The following CFAP299 variants were observed in gnomAD, a reference collection of about 807,000 sequenced individuals.
The protein encoded by CFAP299 is cilia- and flagella-associated protein 299.
A neutral mutation model predicts 27.0 loss-of-function variants in CFAP299; 21 were observed. The observed-to-expected ratio is 0.78, with a 90% CI of 0.55 to 1.12. The LOEUF is 1.12. Ranked by LOEUF, CFAP299 falls within the 50% of genes most tolerant of loss-of-function variation. The pLI, the probability that CFAP299 is intolerant of heterozygous loss-of-function variation, is 0.00. For missense variants in CFAP299, 310 were observed against 276.6 expected (o/e 1.12, Z -0.86); for synonymous variants, 104 against 98.1 (o/e 1.06, Z -0.36).
intron 2 of CFAP299, chr4:80,420,113 A>C: frequency 2.3e-6 from 1 of 443,022 alleles, no homozygotes; most frequent in African/African-American, 2.0e-5. Context: ...GGAGAAGAGC[A>C]GGCCTGTGTA....
At chr4:80,946,900 T>G (rs1218653119) in intron 5 of CFAP299, among the ~76,000 whole-genome samples, 1 of 152,172 alleles carries the variant, frequency 6.6e-6, no homozygotes, top group Non-Finnish European at 1.5e-5. Flanking sequence ...TAAGAAAAGA[T>G]TTTAAATTAT....
chr4:80,657,282 T>C (rs963023200), intron 3 of CFAP299, among the ~76,000 whole-genome samples: 1 of 152,180 alleles, frequency 6.6e-6, no homozygotes, highest in Non-Finnish European at 1.5e-5. Flanking sequence ...TTTTGGTGTT[T>C]TAGTCATGAA....
chr4:80,440,149 C>A (rs896910142), intron 2 of CFAP299, among the ~76,000 whole-genome samples: 1 of 152,160 alleles, frequency 6.6e-6, no homozygotes, highest in Non-Finnish European at 1.5e-5. Context: ...AACGTTCCTG[C>A]CTGCCAGCTC....
intron 2 of CFAP299, among the ~76,000 whole-genome samples, chr4:80,536,925 A>G (rs1357890803): frequency 6.6e-6 from 1 of 152,154 alleles, no homozygotes; most frequent in Non-Finnish European, 1.5e-5. Context: ...ACAGAATGGG[A>G]GAATGGGAGA....
intron 3 of CFAP299, among the ~76,000 whole-genome samples, chr4:80,744,320 C>A (rs994073831): frequency 1.3e-5 from 2 of 151,332 alleles, no homozygotes; most frequent in Non-Finnish European, 2.9e-5. Flanking sequence ...GATCAAGAGA[C>A]CTGCTGTGCT....
intron 2 of CFAP299, among the ~76,000 whole-genome samples, chr4:80,389,844 C>T (rs1725229130): frequency 6.6e-6 from 1 of 152,046 alleles, no homozygotes; most frequent in Admixed American, 6.5e-5. Context: ...AATTGAGGCA[C>T]AGAATTTTAA....
rs866365763 is a variant in CFAP299 at position 80,656,766 on chromosome 4, G to T, written c.333+73583G>T. On this transcript the variant is annotated intron_variant, in intron 3 of 5. Transcript: ENST00000358105. ...AATAATGGAGTTGCTGGGTCAAATGGTACTTCTGGCTCTAGATCCTTGAGG... is the reference window on the plus strand; with the variant it reads ...AATAATGGAGTTGCTGGGTCAAATGTTACTTCTGGCTCTAGATCCTTGAGG... Among the ~76,000 whole-genome samples, 4 of 152,202 alleles carry T rather than the reference G, an allele frequency of 2.6e-5. 1 individual carries two copies. Among genetic ancestry groups the T allele is most frequent in the South Asian group, 4.2e-4 (2 of 4,810 alleles).
intron 3 of CFAP299, among the ~76,000 whole-genome samples, chr4:80,633,943 A>G (rs1404898464): frequency 6.6e-6 from 1 of 151,890 alleles, no homozygotes; most frequent in Non-Finnish European, 1.5e-5. Context: ...TTATTGCAAT[A>G]AAAAACTGAA....
At chr4:80,358,941 T>C (rs111485309) in intron 1 of CFAP299, among the ~76,000 whole-genome samples, 1 of 152,194 alleles carries the variant, frequency 6.6e-6, no homozygotes, top group Admixed American at 6.5e-5. Flanking sequence ...CAGTGTGTTT[T>C]TGTAGTGGCT....
intron 3 of CFAP299, among the ~76,000 whole-genome samples, chr4:80,642,698 A>G (rs2109960579): frequency 6.6e-6 from 1 of 152,020 alleles, no homozygotes; most frequent in South Asian, 2.1e-4. Flanking sequence ...CGGGAGGCAA[A>G]GGTTGCAGTG....
intron 3 of CFAP299, among the ~76,000 whole-genome samples, chr4:80,769,113 G>A (rs1026755075): frequency 2.0e-5 from 3 of 151,980 alleles, no homozygotes; most frequent in Non-Finnish European, 4.4e-5. Flanking sequence ...ACTGTCATTT[G>A]AAAGAAAAAA....
chr4:80,360,438 G>T (rs1723486088), intron 1 of CFAP299, among the ~76,000 whole-genome samples: 1 of 152,184 alleles, frequency 6.6e-6, no homozygotes, highest in Non-Finnish European at 1.5e-5. Context: ...TTTGTTTAAA[G>T]AAATCCAACA....
At chr4:80,783,813 TAA>T (rs1385543572) in intron 3 of CFAP299, among the ~76,000 whole-genome samples, 1 of 152,188 alleles carries the variant, frequency 6.6e-6, no homozygotes, top group East Asian at 1.9e-4. Context: ...CATTTTGCTT[TAA>T]GTTTCCATTT....
intron 2 of CFAP299, among the ~76,000 whole-genome samples, chr4:80,486,445 A>G (rs1232456704): frequency 6.6e-6 from 1 of 152,240 alleles, no homozygotes; most frequent in Non-Finnish European, 1.5e-5. Flanking sequence ...GCTAAAGGAA[A>G]AAGTTCTAGC....
intron 2 of CFAP299, among the ~76,000 whole-genome samples, chr4:80,399,654 A>C (rs1726026202): frequency 1.4e-5 from 2 of 139,778 alleles, no homozygotes; most frequent in South Asian, 5.0e-4. Context: ...GAACACTCGG[A>C]CACAGTAAGG....
chr4:80,439,862 G>T (rs1440442916), intron 2 of CFAP299, among the ~76,000 whole-genome samples: 1 of 152,284 alleles, frequency 6.6e-6, no homozygotes, highest in Non-Finnish European at 1.5e-5. Context: ...CGAGCTTGGT[G>T]GGGGGAAGGG....
intron 4 of CFAP299, among the ~76,000 whole-genome samples, chr4:80,892,732 A>G (rs897296152): frequency 7.9e-5 from 12 of 152,166 alleles, no homozygotes; most frequent in African/African-American, 2.9e-4. Context: ...AATATATCTC[A>G]ACATAATAAA....
intron 2 of CFAP299, among the ~76,000 whole-genome samples, chr4:80,370,985 C>T (rs1225588212): frequency 1.3e-5 from 2 of 152,232 alleles, no homozygotes; most frequent in Non-Finnish European, 2.9e-5. Flanking sequence ...AGGGTTCTGC[C>T]CCTGCCGCAG....
intron 3 of CFAP299, among the ~76,000 whole-genome samples, chr4:80,754,636 T>A (rs879622379): frequency 6.6e-6 from 1 of 152,054 alleles, no homozygotes; most frequent in Non-Finnish European, 1.5e-5. Context: ...CTCATTGGTC[T>A]TTTTTGCAAG....
Sources: allele counts gnomAD v4.1 joint callset (sites outside exome capture counted in the v4.1 genomes callset), GRCh38; gene constraint gnomAD v4.1.1; transcripts MANE v1.5; gene names NCBI Gene and HGNC (gene_info 2026-07-23, HGNC 2026-07-21).